Variants in CMSS1 observed in about 807,000 individuals in gnomAD.
The protein encoded by CMSS1 is protein CMSS1.
In CMSS1, 33 loss-of-function variants were observed where a neutral mutation model predicts 43.5. The observed-to-expected ratio is 0.76, with a 90% CI of 0.57 to 1.01. The LOEUF is 1.01. Ranked by LOEUF, CMSS1 falls within the 50% of genes least tolerant of loss-of-function variation. CMSS1 has a pLI of 0.00. For synonymous variants in CMSS1, 115 were observed against 117.2 expected (o/e 0.98, Z 0.12); for missense variants, 313 against 326.4 (o/e 0.96, Z 0.32).
At chr3:99,955,323 C>G (rs922704109) in intron 1 of CMSS1, among the ~76,000 whole-genome samples, 1 of 152,156 alleles carries the variant, frequency 6.6e-6, no homozygotes, top group African/African-American at 2.4e-5. Context: ...GGAGTATAAA[C>G]AGAGACCTAC....
At chr3:100,144,099 T>A (rs2066827181) in intron 1 of CMSS1, among the ~76,000 whole-genome samples, 1 of 152,314 alleles carries the variant, frequency 6.6e-6, no homozygotes, top group Non-Finnish European at 1.5e-5. Context: ...AATCTGTGTA[T>A]ACGTTTTTTT....
intron 2 of CMSS1, among the ~76,000 whole-genome samples, chr3:100,158,820 T>C (rs529210584): frequency 1.3e-4 from 20 of 152,374 alleles, no homozygotes; most frequent in African/African-American, 4.6e-4. Context: ...TTATGTCATG[T>C]TTTAATTAAT....
At chr3:100,176,740 G>A (rs934402626) in intron 9 of CMSS1, among the ~76,000 whole-genome samples, 4 of 152,060 alleles carry the variant, frequency 2.6e-5, no homozygotes, top group Non-Finnish European at 5.9e-5. Context: ...AGACACACTC[G>A]TCTTTATCTT....
intron 1 of CMSS1, among the ~76,000 whole-genome samples, chr3:100,098,910 A>G (rs1347044639): frequency 1.3e-5 from 2 of 152,244 alleles, no homozygotes; most frequent in East Asian, 3.8e-4. Context: ...GGAACTAGAT[A>G]CTTCTCAATT....
chr3:99,978,771 G>C (rs1018826575), intron 1 of CMSS1, among the ~76,000 whole-genome samples: 2 of 152,148 alleles, frequency 1.3e-5, no homozygotes, highest in African/African-American at 4.8e-5. Context: ...TGTAATCCTA[G>C]CTACTTGGGT....
intron 1 of CMSS1, among the ~76,000 whole-genome samples, chr3:100,087,475 A>G (rs755742745): frequency 6.6e-5 from 10 of 152,160 alleles, no homozygotes; most frequent in Non-Finnish European, 1.3e-4. Context: ...TTGTATTTCC[A>G]CAATGACTAA....
chr3:99,847,847 AC>A (rs1943438019), intron 1 of CMSS1: 1 of 642,476 alleles, frequency 1.6e-6, no homozygotes. Context: ...ATTAATAGAG[AC>A]TATAAGCAAA....
intron 1 of CMSS1, among the ~76,000 whole-genome samples, chr3:99,933,621 G>A (rs1325202192): frequency 6.6e-6 from 1 of 151,956 alleles, no homozygotes; most frequent in African/African-American, 2.4e-5. Context: ...TCCTTACTCT[G>A]GGCTATAGAA....
At chr3:99,885,117 G>A (rs1231623875) in intron 1 of CMSS1, among the ~76,000 whole-genome samples, 2 of 152,318 alleles carry the variant, frequency 1.3e-5, no homozygotes, top group African/African-American at 4.8e-5. Flanking sequence ...AGTTAAAATA[G>A]TGCTGATTTC....
rs1273270002 is a variant in CMSS1 at position 100,040,520 on chromosome 3, T to G, written c.65-106453T>G. 5.9e-5 allele frequency: 9 copies of G among 152,352 alleles called. No homozygotes were observed. In the East Asian group the frequency reaches 1.7e-3, roughly 29 times the overall value. 9.4% of individuals were successfully genotyped at this position (152,352 alleles called of 1,614,324 possible). On this transcript the variant is annotated intron_variant, in intron 1 of 9. Coordinates refer to ENST00000421999, the MANE Select transcript of CMSS1 (RefSeq NM_032359.4). Reference sequence around the variant, plus strand: ...GCAGCCTGAGTAACTAGTAGTGATTTGTACAGACTTCTCTGCATCTGCTTT... The same window carrying G: ...GCAGCCTGAGTAACTAGTAGTGATTGGTACAGACTTCTCTGCATCTGCTTT...
intron 1 of CMSS1, among the ~76,000 whole-genome samples, chr3:99,827,222 C>T (rs1942552415): frequency 6.6e-6 from 1 of 152,242 alleles, no homozygotes; most frequent in East Asian, 1.9e-4. Context: ...GACAGAGTCT[C>T]ACTCTGTCAC....
At chr3:99,831,305 A>G (rs116551801) in intron 1 of CMSS1, among the ~76,000 whole-genome samples, 2,402 of 152,294 alleles carry the variant, frequency 0.016, 58 homozygotes, top group African/African-American at 0.054. Context: ...TGCTTTAATT[A>G]TTTACATGTG....
intron 1 of CMSS1, among the ~76,000 whole-genome samples, chr3:100,105,548 A>G (rs138646977): frequency 6.6e-6 from 1 of 152,196 alleles, no homozygotes; most frequent in Non-Finnish European, 1.5e-5. Context: ...GGGCTATAAG[A>G]TTAACCGAAA....
rs1194082504 is a variant in CMSS1 at position 99,871,857 on chromosome 3, T to A, written c.64+53814T>A. ...AGGACCTTTAAATACACTTATTTTT[T>A]ATTTTCTCTTTCCTCCCTTTATCAC... On this transcript the variant is annotated intron_variant, in intron 1 of 9. Coordinates refer to ENST00000421999, the MANE Select transcript of CMSS1 (RefSeq NM_032359.4). Among the ~76,000 whole-genome samples the A allele has an allele frequency of 2.0e-5, 3 of 152,226 alleles. No homozygotes were observed. The East Asian group carries it at 5.8e-4, about 29-fold the overall frequency.
chr3:99,966,385 A>G (rs1306299852), intron 1 of CMSS1, among the ~76,000 whole-genome samples: 1 of 152,094 alleles, frequency 6.6e-6, no homozygotes, highest in African/African-American at 2.4e-5. Context: ...CCTTCCAGAA[A>G]ATTGATGGAT....
intron 6 of CMSS1, among the ~76,000 whole-genome samples, chr3:100,168,930 C>T (rs185571763): frequency 7.8e-4 from 118 of 151,734 alleles, no homozygotes; most frequent in African/African-American, 2.7e-3. Flanking sequence ...CACACACACA[C>T]GCACTCTGAA....
chr3:99,880,415 A>G (rs1705684760), intron 1 of CMSS1, among the ~76,000 whole-genome samples: 1 of 152,174 alleles, frequency 6.6e-6, no homozygotes, highest in African/African-American at 2.4e-5. Flanking sequence ...GTCTATATAT[A>G]TAGACCCTCT....
At chr3:99,844,232 A>T (rs548348514) in intron 1 of CMSS1, among the ~76,000 whole-genome samples, 61 of 152,316 alleles carry the variant, frequency 4.0e-4, no homozygotes, top group African/African-American at 1.4e-3. Flanking sequence ...AGAGTTTGTT[A>T]AAATGCAGCT....
intron 1 of CMSS1, among the ~76,000 whole-genome samples, chr3:99,947,802 A>G (rs1336943987): frequency 6.6e-6 from 1 of 152,214 alleles, no homozygotes; most frequent in African/African-American, 2.4e-5. Flanking sequence ...CTAGGCCCTG[A>G]AAGTTGAGAA....
Sources: gnomAD v4.1 joint callset for allele counts (sites outside exome capture counted in the v4.1 genomes callset) on GRCh38, gnomAD v4.1.1 for gene constraint, MANE v1.5 for transcripts, NCBI Gene and HGNC (gene_info 2026-07-23, HGNC 2026-07-21) for gene names.